FARP2: variants seen among roughly 807,000 people sequenced by gnomAD.
The protein encoded by FARP2 is FERM, ARHGEF and pleckstrin domain-containing protein 2.
A neutral mutation model predicts 130.5 loss-of-function variants in FARP2; 111 were observed. The ratio of observed to expected loss-of-function variants is 0.85; its 90% CI spans 0.73 to 1.00. FARP2 has a LOEUF of 1.00. Among genes scored for constraint, FARP2 ranks in the 50% least tolerant of loss-of-function variants. FARP2 has a pLI of 0.00. For synonymous variants in FARP2, 504 were observed against 516.9 expected, an observed-to-expected ratio of 0.98 and a Z score of 0.34; for missense variants, 1,385 against 1,346.3, an observed-to-expected ratio of 1.03 and a Z score of -0.45.
chr2:241,413,561 G>A (rs1306619110), intron 7 of FARP2, 140 bp downstream of exon 7: 14 of 640,300 alleles, frequency 2.2e-5, no homozygotes, highest in Admixed American at 2.8e-5. Context: ...ATGTGCAGCT[G>A]CTGCCAGAGG....
At chr2:241,464,055 C>T (rs1574877827) in intron 17 of FARP2, 75 bp downstream of exon 17, 14 of 1,245,292 alleles carry the variant, frequency 1.1e-5, no homozygotes, top group Middle Eastern at 2.0e-4. Flanking sequence ...AGCTGAGGCC[C>T]GTCAGAACAG....
At chr2:241,377,486 C>G (rs942827316) in intron 2 of FARP2, among the ~76,000 whole-genome samples, 1 of 152,034 alleles carries the variant, frequency 6.6e-6, no homozygotes, top group East Asian at 1.9e-4. Context: ...GGACTATAGG[C>G]GCCCGCCACC....
intron 8 of FARP2, among the ~76,000 whole-genome samples, chr2:241,428,180 T>A (rs2063002489): frequency 6.6e-6 from 1 of 151,808 alleles, no homozygotes; most frequent in Admixed American, 6.6e-5. Flanking sequence ...TTTTTGAGAA[T>A]ACAATTTAGG....
chr2:241,493,687 AG>A, intron 26 of FARP2: 1 of 543,952 alleles, frequency 1.8e-6, no homozygotes, highest in Non-Finnish European at 3.3e-6. Context: ...CTGCACCTCC[AG>A]GGTTCAAGCG....
intron 8 of FARP2, among the ~76,000 whole-genome samples, chr2:241,422,687 G>C (rs147365891): frequency 6.6e-6 from 1 of 152,116 alleles, no homozygotes; most frequent in African/African-American, 2.4e-5. Flanking sequence ...CTGAGCTAAA[G>C]GAGCATGTTG....
chr2:241,488,416 G>GT (rs35309753), intron 21 of FARP2: 24,142 of 125,958 alleles, frequency 0.19, 2,525 homozygotes, highest in Admixed American at 0.24. Flanking sequence ...TACTTTTTTG[G>GT]TTTTTTTTTT....
At position 241,373,144 on chromosome 2, in the gene FARP2, A is replaced by T; in HGVS notation, c.37A>T (p.Thr13Ser). The T allele has an allele frequency of 6.6e-7, 1 of 1,513,982 alleles. No homozygotes were observed. The highest frequency in any genetic ancestry group is 1.3e-5 in the South Asian group (1 of 79,200). The allele number at this position is 1,513,982 out of a possible 1,614,324, so 93.8% of individuals were successfully genotyped here. The part of the protein sequence containing the change: ...EIEGTYRVLQ[T>S]AGMRLGAQTP... ...AGAAGGAACATACAGAGTCCTGCAG[A>T]CTGCAGGGATGCGCTTGGGTGCCCA... Residue 13 changes from threonine (T) to serine (S), a missense_variant, in exon 2 of 27, where the codon ACT becomes TCT. Transcript: ENST00000264042.
Position 241,451,533 on chromosome 2 carries a change from G to A in FARP2, c.1412-5214G>A, listed in dbSNP as rs1324033340. Among the ~76,000 whole-genome samples, 13 of 152,192 alleles carry A rather than the reference G, an allele frequency of 8.5e-5. No homozygotes were observed. The South Asian group carries it at 2.1e-3, about 24-fold the overall frequency. On this transcript the variant is annotated intron_variant, in intron 13 of 26. Coordinates refer to ENST00000264042, the MANE Select transcript of FARP2 (RefSeq NM_014808.4). The stretch of plus-strand genomic sequence containing the variant: ...CTGGGCCTCATCTTTGTGTGTGGTC[G>A]GTGTGTCCTCCTATGAGTTGTATAT...
chr2:241,385,849 A>G (rs769230297), intron 2 of FARP2, among the ~76,000 whole-genome samples: 9 of 152,190 alleles, frequency 5.9e-5, no homozygotes, highest in Non-Finnish European at 1.0e-4. Flanking sequence ...GCACTTTTAT[A>G]TACACACACC....
chr2:241,357,871 C>G (rs181041182), intron 1 of FARP2, among the ~76,000 whole-genome samples: 9 of 152,312 alleles, frequency 5.9e-5, no homozygotes, highest in African/African-American at 2.2e-4. Context: ...TCATTTCTCT[C>G]TGCCTCAGGT....
intron 2 of FARP2, among the ~76,000 whole-genome samples, chr2:241,386,345 G>A (rs894772569): frequency 1.1e-4 from 16 of 152,082 alleles, no homozygotes; most frequent in African/African-American, 2.9e-4. Flanking sequence ...GTGATCCTCC[G>A]GCCTGATTCT....
At chr2:241,487,644 G>A (rs1355024234) in intron 21 of FARP2, among the ~76,000 whole-genome samples, 3 of 134,640 alleles carry the variant, frequency 2.2e-5, no homozygotes, top group African/African-American at 8.7e-5. Flanking sequence ...TCCAGCCTGG[G>A]TGACAGAACA....
chr2:241,476,003 C>G lies in FARP2; in HGVS notation c.2262+16C>G. The G allele has an allele frequency of 1.3e-6, 2 of 1,595,950 alleles. No homozygotes were observed. The highest frequency in any genetic ancestry group is 8.5e-7 in the Non-Finnish European group (1 of 1,172,670). ...TCCTGGCAGGGTGAGTGACCTTGCT[C>G]TGGGAATGTTTTTTGAGCTACTTTG... On this transcript the variant is annotated intron_variant, in intron 19 of 26. Transcript: ENST00000264042.
intron 8 of FARP2, among the ~76,000 whole-genome samples, chr2:241,426,065 G>A (rs932258538): frequency 2.0e-5 from 3 of 151,936 alleles, no homozygotes; most frequent in African/African-American, 7.3e-5. Context: ...CCCTTTGTAA[G>A]GAAAAACTAG....
At chr2:241,483,911 G>A (rs960664252) in intron 20 of FARP2, 5 of 985,478 alleles carry the variant, frequency 5.1e-6, no homozygotes, top group Non-Finnish European at 6.0e-6. Context: ...CTCCCAGCAT[G>A]TCCTTGTTCC....
intron 22 of FARP2, 102 bp from the exon 23 acceptor site, chr2:241,490,959 G>C (rs2064877080): frequency 1.3e-5 from 11 of 845,200 alleles, no homozygotes; most frequent in Non-Finnish European, 2.2e-5. Context: ...GGACAAAGCA[G>C]AATGTGAGAG....
chr2:241,454,243 A>T (rs2302013), intron 13 of FARP2, among the ~76,000 whole-genome samples: 1 of 151,992 alleles, frequency 6.6e-6, no homozygotes, highest in East Asian at 1.9e-4. Flanking sequence ...ATTTTGCAGC[A>T]ACTTTTTGGT....
At chr2:241,465,597 A>G (rs1231254305) in intron 17 of FARP2, 5 of 1,550,600 alleles carry the variant, frequency 3.2e-6, no homozygotes, top group East Asian at 2.4e-5. Flanking sequence ...TGTGGACAAC[A>G]GTGCAGGTCG....
intron 24 of FARP2, 34 bp from the exon 25 acceptor site, chr2:241,492,895 G>A: frequency 7.8e-7 from 1 of 1,283,238 alleles, no homozygotes; most frequent in Non-Finnish European, 1.1e-6. Context: ...CCTGGGTGCT[G>A]GTTAATGCAC....
Sources: allele counts gnomAD v4.1 joint callset (sites outside exome capture counted in the v4.1 genomes callset), GRCh38; gene constraint gnomAD v4.1.1; transcripts MANE v1.5; gene names NCBI Gene and HGNC (gene_info 2026-07-23, HGNC 2026-07-21).